Variants in SIPA1L3 observed in about 807,000 individuals in gnomAD.
SIPA1L3 encodes signal induced proliferation associated 1 like 3.
A neutral mutation model predicts 150.1 loss-of-function variants in SIPA1L3; 59 were observed. That is an observed-to-expected ratio of 0.39 (90% CI 0.32 to 0.49). The LOEUF (loss-of-function observed/expected upper bound fraction) is 0.49, where lower values mean the gene tolerates loss of function less well. SIPA1L3 is among the 20% of genes least tolerant of loss of function. SIPA1L3 has a pLI of 0.86. For missense variants in SIPA1L3, 2,211 were observed against 2,489.5 expected (o/e 0.89, Z 2.38); for synonymous variants, 1,070 against 1,077.6 (o/e 0.99, Z 0.14).
intron 1 of SIPA1L3, among the ~76,000 whole-genome samples, chr19:37,947,220 C>T (rs976925261): frequency 8.1e-5 from 12 of 148,750 alleles, no homozygotes; most frequent in Admixed American, 2.7e-4. Context: ...CCAGGCATGG[C>T]GGCCCACGCC....
intron 1 of SIPA1L3, among the ~76,000 whole-genome samples, chr19:38,022,458 G>C (rs1968395609): frequency 6.7e-6 from 1 of 149,968 alleles, no homozygotes; most frequent in East Asian, 2.0e-4. Context: ...CCAGCACTTT[G>C]GGAGGTCGAG....
At chr19:38,096,396 T>G (rs527652079) in intron 4 of SIPA1L3, among the ~76,000 whole-genome samples, 1 of 152,228 alleles carries the variant, frequency 6.6e-6, no homozygotes, top group East Asian at 1.9e-4. Context: ...ATTAGAGGCA[T>G]GAGCCATCAT....
At chr19:37,982,079 C>T (rs1363541794) in intron 1 of SIPA1L3, among the ~76,000 whole-genome samples, 1 of 152,148 alleles carries the variant, frequency 6.6e-6, no homozygotes. Flanking sequence ...CAGCCGGACT[C>T]CCAACATAAA....
At chr19:38,110,589 G>C (rs1045637118) in intron 8 of SIPA1L3, among the ~76,000 whole-genome samples, 1 of 152,152 alleles carries the variant, frequency 6.6e-6, no homozygotes, top group Non-Finnish European at 1.5e-5. Flanking sequence ...AACCATCAGG[G>C]ATTTGTATTT....
At chr19:38,205,671 G>T (rs547096345) in intron 21 of SIPA1L3, among the ~76,000 whole-genome samples, 2 of 152,200 alleles carry the variant, frequency 1.3e-5, no homozygotes, top group South Asian at 2.1e-4. Flanking sequence ...GGAAGAAGGG[G>T]GTCTGCTCAG....
At chr19:38,072,584 G>C (rs112051596) in intron 2 of SIPA1L3, among the ~76,000 whole-genome samples, 11 of 152,334 alleles carry the variant, frequency 7.2e-5, no homozygotes, top group Non-Finnish European at 1.5e-4. Flanking sequence ...TAGGGTTAAA[G>C]GGAAAAGCGC....
At chr19:38,147,454 T>A (rs1265119112) in intron 12 of SIPA1L3, among the ~76,000 whole-genome samples, 1 of 152,210 alleles carries the variant, frequency 6.6e-6, no homozygotes, top group African/African-American at 2.4e-5. Flanking sequence ...GAACTCTGCT[T>A]AGTGCTGGGT....
Position 38,164,994 on chromosome 19 carries a change from C to A in SIPA1L3, c.4208+88C>A. 1.6e-6 allele frequency: 2 copies of A among 1,246,202 alleles called. No homozygotes were observed. Among genetic ancestry groups the A allele is most frequent in the South Asian group, 1.6e-5 (1 of 63,324 alleles). The allele number at this position is 1,246,202 out of a possible 1,614,324, so 77.2% of individuals were successfully genotyped here. A position where few individuals can be genotyped will look rare whatever the true frequency, so the allele number is the denominator to read the frequency against. ...GTCCTGATGGTGGGGTTCTCCTCCC[C>A]AGAAACACACTCACGGATGAATGCG... On this transcript the variant is annotated intron_variant, in intron 15 of 21. Transcript: ENST00000222345. This position sits in a 1 kb window ranked among gnomAD's most constrained non-coding sequence, Gnocchi z 4.1.
rs187453636 is a variant in SIPA1L3, at chr19:38,063,902, C to G, written c.-310-17354C>G. Among the ~76,000 whole-genome samples the G allele has an allele frequency of 4.6e-5, 7 of 152,342 alleles. No individual in the cohort carries two copies. In the East Asian group the frequency reaches 1.4e-3, roughly 29 times the overall value. On this transcript the variant is annotated intron_variant, in intron 2 of 21. Coordinates refer to ENST00000222345, the MANE Select transcript of SIPA1L3 (RefSeq NM_015073.3). ...GCTTGATCATGAGCCTGGCTGGAGC[C>G]GGGGAGATCCCTGCAGGGCAGCCTG...
At chr19:38,124,316 C>T (rs1261343547) in intron 9 of SIPA1L3, among the ~76,000 whole-genome samples, 4 of 151,044 alleles carry the variant, frequency 2.6e-5, no homozygotes, top group African/African-American at 7.3e-5. Context: ...CTCCTCACCT[C>T]CCAGACGGGG....
chr19:38,041,622 C>T (rs563247588), intron 2 of SIPA1L3, among the ~76,000 whole-genome samples: 9 of 150,654 alleles, frequency 6.0e-5, no homozygotes, highest in East Asian at 2.0e-4. Flanking sequence ...TTAGTAGAGA[C>T]GGGGTTTTGC....
At chr19:37,968,587 G>A (rs2046926490) in intron 1 of SIPA1L3, among the ~76,000 whole-genome samples, 1 of 152,202 alleles carries the variant, frequency 6.6e-6, no homozygotes, top group Non-Finnish European at 1.5e-5. Flanking sequence ...CGAAGGAAAT[G>A]GAGATAACAT....
At chr19:37,988,598 C>T (rs1405794028) in intron 1 of SIPA1L3, among the ~76,000 whole-genome samples, 2 of 152,132 alleles carry the variant, frequency 1.3e-5, no homozygotes, top group African/African-American at 4.8e-5. Flanking sequence ...ATCGCTTGAA[C>T]CCAGGAGACA....
chr19:37,921,837 A>G (rs2046460004), intron 1 of SIPA1L3, among the ~76,000 whole-genome samples: 1 of 152,012 alleles, frequency 6.6e-6, no homozygotes, highest in African/African-American at 2.4e-5. Flanking sequence ...TCCTGGCCTC[A>G]AGTAATCCTC....
intron 11 of SIPA1L3, 109 bp from the exon 12 acceptor site, chr19:38,142,464 T>G: frequency 1.6e-6 from 2 of 1,267,984 alleles, no homozygotes; most frequent in Non-Finnish European, 2.2e-6. Context: ...GTTCGGTTGG[T>G]CTGTCTGTCT....
intron 16 of SIPA1L3, 77 bp from the exon 17 acceptor site, chr19:38,192,068 C>T: frequency 7.2e-7 from 1 of 1,388,534 alleles, no homozygotes; most frequent in Non-Finnish European, 9.8e-7. Flanking sequence ...GGTGGCCGGC[C>T]CTCTTGAATC....
rs1182941086 is a variant in SIPA1L3, at chr19:38,208,272, T to C, written c.*2032T>C. On this transcript the variant is annotated 3_prime_UTR_variant, in exon 22 of 22. Transcript: ENST00000222345. Reference sequence around the variant, plus strand: ...GATTTGTTTCATTTGGATTTTTTTTTTATTATTCTTTATTGTCTTTTTTTT... The same window carrying C: ...GATTTGTTTCATTTGGATTTTTTTTCTATTATTCTTTATTGTCTTTTTTTT... The C allele has an allele frequency of 6.6e-6, 1 of 152,506 alleles. No homozygotes were observed. Among genetic ancestry groups the C allele is most frequent in the Non-Finnish European group, 1.5e-5 (1 of 68,030 alleles). The allele number at this position is 152,506 out of a possible 1,614,324, so 9.4% of individuals were successfully genotyped here.
chr19:38,177,733 G>C (rs1163306071), intron 15 of SIPA1L3, among the ~76,000 whole-genome samples: 1 of 150,478 alleles, frequency 6.6e-6, no homozygotes, highest in Non-Finnish European at 1.5e-5. Context: ...TGATCATAAG[G>C]ATATGCTTGC....
Position 37,974,570 on chromosome 19 carries a change from TG to T in SIPA1L3, c.-378-54517del, listed in dbSNP as rs1308263974. On this transcript the variant is annotated intron_variant, in intron 1 of 21. Coordinates refer to ENST00000222345, the MANE Select transcript of SIPA1L3 (RefSeq NM_015073.3). The stretch of plus-strand genomic sequence containing the variant: ...AGAGGTGGGGTTTGAACAGAGAGTC[TG>T]GTTCTAGCCGGTACTGTCATGAGGG... 2.0e-5 allele frequency among the ~76,000 whole-genome samples: 3 copies of T among 151,424 alleles called. No individual in the cohort carries two copies. The East Asian group carries it at 5.8e-4, about 29-fold the overall frequency.
Sources: gnomAD v4.1 joint callset for allele counts (sites outside exome capture counted in the v4.1 genomes callset) on GRCh38, gnomAD v4.1.1 for gene constraint, Gnocchi (gnomAD v3.1) non-coding constraint, MANE v1.5 for transcripts, NCBI Gene and HGNC (gene_info 2026-07-23, HGNC 2026-07-21) for gene names.